Variants in DYNC2H1 observed in about 807,000 individuals in gnomAD.
The protein encoded by DYNC2H1 is cytoplasmic dynein 2 heavy chain 1.
Under a neutral mutation model 570.0 loss-of-function variants are expected in DYNC2H1, and 410 were observed. That is an observed-to-expected ratio of 0.72 (90% CI 0.66 to 0.78). The LOEUF (loss-of-function observed/expected upper bound fraction) is 0.78, where lower values mean the gene tolerates loss of function less well. Among genes scored for constraint, DYNC2H1 ranks in the 30% least tolerant of loss-of-function variants. The pLI is 0.00. For synonymous variants in DYNC2H1, 1,688 were observed against 1,677.6 expected, an observed-to-expected ratio of 1.01 and a Z score of -0.15; for missense variants, 4,865 against 5,046.4, an observed-to-expected ratio of 0.96 and a Z score of 1.09.
chr11:103,383,504 C>T (rs900038924), intron 83 of DYNC2H1, among the ~76,000 whole-genome samples: 11 of 146,430 alleles, frequency 7.5e-5, no homozygotes, highest in African/African-American at 1.3e-4. Flanking sequence ...GATGGAGTCT[C>T]GCTCTATTGT....
In DYNC2H1 at chr11:103,158,994, G is replaced by A; in HGVS notation, c.4345G>A (p.Val1449Met). 6.2e-7 allele frequency: 1 copy of A among 1,613,310 alleles called. No homozygotes were observed. Among genetic ancestry groups the A allele is most frequent in the African/African-American group, 1.3e-5 (1 of 75,022 alleles). ...EILGQSTNPS[V>M]IQSHLKKLFA... ...ATTGGGCCAGTCTACCAACCCATCA[G>A]TGATTCAGTCTCACCTGAAGAAGCT... The change falls in exon 28 of 89, where the codon GTG becomes ATG. Residue 1449 changes from valine to methionine, a missense_variant. By Grantham distance (21) the Val-to-Met change is conservative (BLOSUM62 1). Transcript: ENST00000375735.
At position 103,120,706 on chromosome 11, in the gene DYNC2H1, G is replaced by T; in HGVS notation, c.1152G>T (p.Ala384=). Residue 384 remains alanine, a synonymous_variant, in exon 8 of 89, where the codon GCG becomes GCT. Coordinates refer to ENST00000375735, the MANE Select transcript of DYNC2H1 (RefSeq NM_001377.3). ...NPYTEPLWKA[A]VSQYEKIIAP... ...GTATGTAGCCCTTGTGGAAAGCTGCGGTGTCTCAATATGAAAAGATTATTG... is the reference window on the plus strand; with the variant it reads ...GTATGTAGCCCTTGTGGAAAGCTGCTGTGTCTCAATATGAAAAGATTATTG... 6.2e-7 allele frequency: 1 copy of T among 1,610,382 alleles called. No individual in the cohort carries two copies. The highest frequency in any genetic ancestry group is 8.5e-7 in the Non-Finnish European group (1 of 1,178,166).
chr11:103,198,120 T>C (rs1245545404), intron 48 of DYNC2H1, 57 bp downstream of exon 48: 4 of 1,501,206 alleles, frequency 2.7e-6, no homozygotes, highest in South Asian at 1.3e-5. Flanking sequence ...CTTTTAAAAA[T>C]ATTTATTGTA....
Position 103,115,161 on chromosome 11 carries a change from C to T in DYNC2H1, c.503-16C>T, listed in dbSNP as rs1461621410. On this transcript the variant is annotated splice_polypyrimidine_tract_variant and intron_variant, in intron 3 of 88. Transcript: ENST00000375735. ...TGATATTCTATGCCATTTTTTTCCC[C>T]TCTTGACTTTTATAGGTATCCTTAC... The T allele has an allele frequency of 1.3e-6, 2 of 1,577,562 alleles. No homozygotes were observed. The highest frequency in any genetic ancestry group is 2.7e-5 in the African/African-American group (2 of 73,862).
At chr11:103,469,772 T>G (rs1347523508) in intron 88 of DYNC2H1, among the ~76,000 whole-genome samples, 3 of 152,192 alleles carry the variant, frequency 2.0e-5, no homozygotes, top group Non-Finnish European at 4.4e-5. Flanking sequence ...ACTTCAATCT[T>G]GCTGTTAATT....
At position 103,143,263 on chromosome 11, in the gene DYNC2H1, A is replaced by C; in HGVS notation, c.2575-5A>C. Reference sequence around the variant, plus strand: ...TAATAATACATTTTTTCTTTCTTTAAATAGGAATGGATTGTAATTGGGCAA... The same window carrying C: ...TAATAATACATTTTTTCTTTCTTTACATAGGAATGGATTGTAATTGGGCAA... On this transcript the variant is annotated splice_region_variant and splice_polypyrimidine_tract_variant and intron_variant, in intron 17 of 88. Coordinates refer to ENST00000375735, the MANE Select transcript of DYNC2H1 (RefSeq NM_001377.3). 1.2e-6 allele frequency: 2 copies of C among 1,611,986 alleles called. No homozygotes were observed. The highest frequency in any genetic ancestry group is 1.7e-6 in the Non-Finnish European group (2 of 1,179,036).
chr11:103,437,549 G>C (rs145512603), intron 85 of DYNC2H1, among the ~76,000 whole-genome samples: 3 of 152,076 alleles, frequency 2.0e-5, no homozygotes, highest in Admixed American at 6.6e-5. Context: ...GTTAAAATTA[G>C]CAAGTAGAGA....
chr11:103,218,337 A>G (rs1471714817), intron 55 of DYNC2H1, among the ~76,000 whole-genome samples: 2 of 152,236 alleles, frequency 1.3e-5, no homozygotes, highest in African/African-American at 2.4e-5. Context: ...AGAAACAGCC[A>G]AACTATGATA....
At chr11:103,111,547 A>G (rs571751509) in intron 1 of DYNC2H1, among the ~76,000 whole-genome samples, 49 of 152,320 alleles carry the variant, frequency 3.2e-4, no homozygotes, top group African/African-American at 1.2e-3. Context: ...TTAGGATGAC[A>G]TATACTCAGC....
intron 65 of DYNC2H1, among the ~76,000 whole-genome samples, chr11:103,246,885 A>G (rs1045533041): frequency 3.9e-5 from 6 of 152,076 alleles, no homozygotes; most frequent in African/African-American, 1.4e-4. Context: ...AGACATAAAT[A>G]TAGGAATAGA....
chr11:103,114,314 T>C (rs1858268805), intron 3 of DYNC2H1, 76 bp downstream of exon 3: 1 of 1,390,984 alleles, frequency 7.2e-7, no homozygotes, highest in Non-Finnish European at 9.5e-7. Flanking sequence ...AACATATTTC[T>C]TCATAGATTT....
At chr11:103,263,607 G>A (rs1025410391) in intron 70 of DYNC2H1, among the ~76,000 whole-genome samples, 2 of 152,156 alleles carry the variant, frequency 1.3e-5, no homozygotes, top group African/African-American at 4.8e-5. Flanking sequence ...GCTTCTGAAT[G>A]ACTAGTAGGT....
chr11:103,216,042 A>T (rs1863369922), intron 55 of DYNC2H1, among the ~76,000 whole-genome samples, 184 bp downstream of exon 55: 1 of 152,164 alleles, frequency 6.6e-6, no homozygotes, highest in African/African-American at 2.4e-5. Context: ...TATTGTTTAG[A>T]CTGATCACTC....
chr11:103,364,587 T>G (rs942389838), intron 83 of DYNC2H1, among the ~76,000 whole-genome samples: 1 of 150,082 alleles, frequency 6.7e-6, no homozygotes, highest in African/African-American at 2.5e-5. Context: ...TGGTTCGTAT[T>G]TAAATCTTGT....
rs149987148 is a variant in DYNC2H1, at chr11:103,215,315, T to C, written c.8695-406T>C. On this transcript the variant is annotated intron_variant, in intron 54 of 88. Transcript: ENST00000375735. ...ATTTTTGGACTTTATTATGTTGAGGTATGTTCCTCCAATGCCTAATTTTTT... is the reference window on the plus strand; with the variant it reads ...ATTTTTGGACTTTATTATGTTGAGGCATGTTCCTCCAATGCCTAATTTTTT... Among the ~76,000 whole-genome samples, 959 of 152,260 alleles carry C rather than the reference T, an allele frequency of 6.3e-3. 8 individuals are homozygous for C. Among genetic ancestry groups the C allele is most frequent in the African/African-American group, 0.022 (919 of 41,560 alleles).
intron 82 of DYNC2H1, among the ~76,000 whole-genome samples, chr11:103,354,176 C>CA (rs1491521917): frequency 0.043 from 2,193 of 50,450 alleles, 68 homozygotes; most frequent in African/African-American, 0.11. Context: ...GGCTCTGTCT[C>CA]AAAACAAAAA....
At chr11:103,188,697 A>G (rs1437554068) in intron 44 of DYNC2H1, 49 bp downstream of exon 44, 14 of 1,325,502 alleles carry the variant, frequency 1.1e-5, no homozygotes, top group Non-Finnish European at 1.3e-5. Context: ...GATATCATAT[A>G]TAAATGAATT....
At chr11:103,278,334 CT>C (rs1373492695) in intron 70 of DYNC2H1, among the ~76,000 whole-genome samples, 1 of 152,010 alleles carries the variant, frequency 6.6e-6, no homozygotes, top group Non-Finnish European at 1.5e-5. Flanking sequence ...GTTTATTGGG[CT>C]TTTAGAGTGT....
intron 83 of DYNC2H1, among the ~76,000 whole-genome samples, chr11:103,386,616 C>T (rs1157547682): frequency 2.0e-5 from 3 of 152,020 alleles, no homozygotes; most frequent in East Asian, 1.9e-4. Context: ...CATCATGTAA[C>T]GTTAGATATA....
Sources: allele counts gnomAD v4.1 joint callset (sites outside exome capture counted in the v4.1 genomes callset), GRCh38; gene constraint gnomAD v4.1.1; transcripts MANE v1.5; gene names NCBI Gene and HGNC (gene_info 2026-07-23, HGNC 2026-07-21).